CCT6B: variants seen among roughly 807,000 people sequenced by gnomAD.
CCT6B encodes chaperonin containing TCP1 subunit 6B, also known as probable T-complex protein 1 subunit zeta-2.
CCT6B carries 49 observed loss-of-function variants against 61.5 expected under a neutral mutation model. The observed-to-expected ratio is 0.80, with a 90% CI of 0.63 to 1.01. The LOEUF is 1.01. CCT6B is among the 50% of genes least tolerant of loss of function. The probability of loss-of-function intolerance (pLI) is 0.00; values close to 1 mark genes in which losing one functional copy is unlikely to be tolerated. For missense variants in CCT6B, 666 were observed against 634.7 expected (o/e 1.05, Z -0.53); for synonymous variants, 228 against 214.5 (o/e 1.06, Z -0.55).
chr17:34,931,087 A>ATG (rs780193250), intron 11 of CCT6B, 36 bp from the exon 12 acceptor site: 8 of 680,030 alleles, frequency 1.2e-5, no homozygotes, highest in Admixed American at 7.1e-5. Flanking sequence ...TATTATATAT[A>ATG]TATGCATAAT....
At chr17:34,929,491 CT>C (rs112985335) in intron 12 of CCT6B, among the ~76,000 whole-genome samples, 41,354 of 126,626 alleles carry the variant, frequency 0.33, 5,892 homozygotes, top group Admixed American at 0.4. Flanking sequence ...TGTTTTCTTT[CT>C]TTTTTTTTTT....
At chr17:34,936,493 A>G (rs893790043) in intron 10 of CCT6B, among the ~76,000 whole-genome samples, 3 of 152,242 alleles carry the variant, frequency 2.0e-5, no homozygotes, top group Non-Finnish European at 4.4e-5. Context: ...AGCAAAAAGT[A>G]TAACTGTATA....
intron 5 of CCT6B, among the ~76,000 whole-genome samples, chr17:34,951,726 A>G (rs1169506813): frequency 1.3e-5 from 2 of 152,290 alleles, no homozygotes; most frequent in South Asian, 2.1e-4. Flanking sequence ...CCTGTCCACT[A>G]TAAAATCACA....
In CCT6B at chr17:34,931,003, C is replaced by T; in HGVS notation, c.1396G>A (p.Val466Ile). ...TTTGACTCGACATGCTCAGCCTGAA[C>T]TTTTACTAATGTTTCCTGTGGGTCA... ...GYDPQETLVKVQAEHVESKQL... is the reference protein window; with the variant it reads ...GYDPQETLVKIQAEHVESKQL... The change falls in exon 12 of 14, where the codon GTT (valine) becomes ATT (isoleucine). Residue 466 changes from valine (V) to isoleucine (I), a missense_variant. Transcript: ENST00000314144. The T allele has an allele frequency of 6.2e-7, 1 of 1,605,162 alleles. No homozygotes were observed.
At chr17:34,944,234 C>CA (rs2090199011) in intron 5 of CCT6B, 1 of 152,094 alleles carries the variant, frequency 6.6e-6, no homozygotes, top group Non-Finnish European at 1.5e-5. Context: ...AACATTGTCC[C>CA]ATTACTACCT....
chr17:34,948,290 T>C (rs1183982189), intron 5 of CCT6B, among the ~76,000 whole-genome samples: 1 of 152,152 alleles, frequency 6.6e-6, no homozygotes, highest in Non-Finnish European at 1.5e-5. Flanking sequence ...ATATAAAGGA[T>C]TAAATGCTCC....
chr17:34,928,870 T>C (rs1419199599), intron 13 of CCT6B, 92 bp downstream of exon 13: 4 of 691,102 alleles, frequency 5.8e-6, no homozygotes, highest in Non-Finnish European at 7.3e-6. Flanking sequence ...ATTTTTCCAC[T>C]GTACAGGGAC....
At chr17:34,931,405 G>A (rs1187051633) in intron 11 of CCT6B, among the ~76,000 whole-genome samples, 4 of 152,126 alleles carry the variant, frequency 2.6e-5, no homozygotes, top group Admixed American at 2.0e-4. Flanking sequence ...CTCTAGTGCC[G>A]CTAGCCACAT....
intron 10 of CCT6B, among the ~76,000 whole-genome samples, chr17:34,935,237 G>C (rs1319985522): frequency 7.9e-5 from 12 of 152,116 alleles, no homozygotes. Context: ...GGTTACCCAG[G>C]GCTGGGGAGG....
At chr17:34,951,634 T>TTATA (rs1246994415) in intron 5 of CCT6B, among the ~76,000 whole-genome samples, 3 of 152,180 alleles carry the variant, frequency 2.0e-5, no homozygotes, top group Non-Finnish European at 4.4e-5. Flanking sequence ...TAGAACCCTC[T>TTATA]TATTCCAGAT....
intron 7 of CCT6B, 147 bp from the exon 8 acceptor site, chr17:34,940,768 A>C: frequency 2.6e-6 from 1 of 380,266 alleles, no homozygotes; most frequent in East Asian, 3.9e-5. Context: ...TAATATTTGT[A>C]TTATAAAAAC....
At chr17:34,929,161 T>G in intron 12 of CCT6B, 127 bp from the exon 13 acceptor site, 1 of 630,256 alleles carries the variant, frequency 1.6e-6, no homozygotes, top group African/African-American at 1.8e-5. Context: ...GACCTCCATA[T>G]TGTTAAATCC....
At chr17:34,940,151 T>G (rs1236457935) in intron 8 of CCT6B, among the ~76,000 whole-genome samples, 1 of 152,156 alleles carries the variant, frequency 6.6e-6, no homozygotes, top group Non-Finnish European at 1.5e-5. Context: ...TTTTGTATCC[T>G]TTGACCCACA....
At chr17:34,942,063 C>A (rs971299542) in intron 7 of CCT6B, among the ~76,000 whole-genome samples, 18 of 151,690 alleles carry the variant, frequency 1.2e-4, no homozygotes, top group African/African-American at 4.4e-4. Context: ...AAAAACAGTG[C>A]TTTGTGCATA....
chr17:34,936,784 T>C (rs1343048538), intron 10 of CCT6B, among the ~76,000 whole-genome samples: 1 of 152,124 alleles, frequency 6.6e-6, no homozygotes, highest in South Asian at 2.1e-4. Context: ...CTCAAATAGA[T>C]AAGATGATAT....
intron 12 of CCT6B, among the ~76,000 whole-genome samples, chr17:34,929,934 T>C (rs1290369951): frequency 2.6e-5 from 4 of 152,230 alleles, no homozygotes; most frequent in South Asian, 2.1e-4. Flanking sequence ...AACTGAATGC[T>C]GATGTCCTCT....
At chr17:34,935,926 T>C (rs2090088548) in intron 10 of CCT6B, among the ~76,000 whole-genome samples, 1 of 147,778 alleles carries the variant, frequency 6.8e-6, no homozygotes, top group Non-Finnish European at 1.5e-5. Context: ...TTTATTCTCG[T>C]GTGTGTGTGT....
At chr17:34,934,134 G>GA (rs1280861242) in intron 10 of CCT6B, among the ~76,000 whole-genome samples, 320 of 75,816 alleles carry the variant, frequency 4.2e-3, no homozygotes, top group South Asian at 9.1e-3. Context: ...GTTTCAAAAA[G>GA]AAAAAAAAAA....
chr17:34,951,632 T>G (rs11656268), intron 5 of CCT6B, among the ~76,000 whole-genome samples: 14,314 of 152,228 alleles, frequency 0.094, 825 homozygotes, highest in East Asian at 0.21. Context: ...CTTAGAACCC[T>G]CTTATTCCAG....
Sources: gnomAD v4.1 joint callset for allele counts (sites outside exome capture counted in the v4.1 genomes callset) on GRCh38, gnomAD v4.1.1 for gene constraint, MANE v1.5 for transcripts, NCBI Gene and HGNC (gene_info 2026-07-23, HGNC 2026-07-21) for gene names.